Variants in RIMS2 observed in about 807,000 individuals in gnomAD.
The protein encoded by RIMS2 is regulating synaptic membrane exocytosis 2, also known as regulating synaptic membrane exocytosis protein 2.
In RIMS2, 59 loss-of-function variants were observed where a neutral mutation model predicts 174.4. The ratio of observed to expected loss-of-function variants is 0.34; its 90% CI spans 0.27 to 0.42. RIMS2 has a LOEUF of 0.42. Among genes scored for constraint, RIMS2 ranks in the 10% least tolerant of loss-of-function variants. The pLI is 1.00. For synonymous variants in RIMS2, 606 were observed against 572.5 expected, an observed-to-expected ratio of 1.06 and a Z score of -0.84; for missense variants, 1,620 against 1,666.3, an observed-to-expected ratio of 0.97 and a Z score of 0.48.
At chr8:103,984,017 C>G (rs1565675778) in intron 16 of RIMS2, among the ~76,000 whole-genome samples, 1 of 150,366 alleles carries the variant, frequency 6.7e-6, no homozygotes, top group East Asian at 2.0e-4. Context: ...ACTAAAAATA[C>G]AAAAAAAAAT....
At chr8:104,134,054 T>C (rs1460461763) in intron 19 of RIMS2, among the ~76,000 whole-genome samples, 1 of 152,154 alleles carries the variant, frequency 6.6e-6, no homozygotes, top group African/African-American at 2.4e-5. Context: ...TAATCTTTAA[T>C]ATATGATACA....
chr8:103,504,019 C>T (rs1044840991), intron 1 of RIMS2, among the ~76,000 whole-genome samples: 30 of 152,070 alleles, frequency 2.0e-4, no homozygotes, highest in African/African-American at 7.0e-4. Flanking sequence ...TACATATGAG[C>T]GAGGTACTAT....
intron 2 of RIMS2, among the ~76,000 whole-genome samples, chr8:103,702,858 T>G (rs1327731618): frequency 6.6e-6 from 1 of 151,572 alleles, no homozygotes; most frequent in Non-Finnish European, 1.5e-5. Context: ...AGCTGTTTTT[T>G]TTTTTTTTTT....
At chr8:103,764,629 T>G (rs183072600) in intron 2 of RIMS2, among the ~76,000 whole-genome samples, 2 of 152,140 alleles carry the variant, frequency 1.3e-5, no homozygotes, top group Non-Finnish European at 1.5e-5. Context: ...AGTGAGATAA[T>G]GGTGTTTTCA....
chr8:103,679,360 A>G (rs1044950377), intron 1 of RIMS2, among the ~76,000 whole-genome samples: 7 of 152,030 alleles, frequency 4.6e-5, no homozygotes, highest in African/African-American at 1.2e-4. Flanking sequence ...TACCTATCCT[A>G]TAGAGAAACA....
At chr8:103,578,492 C>T (rs1436237945) in intron 1 of RIMS2, among the ~76,000 whole-genome samples, 1 of 151,964 alleles carries the variant, frequency 6.6e-6, no homozygotes, top group Admixed American at 6.6e-5. Context: ...GATAGTAACA[C>T]TGCACTCCAG....
intron 2 of RIMS2, among the ~76,000 whole-genome samples, chr8:103,722,824 ACTC>A (rs1422233541): frequency 6.6e-6 from 1 of 152,094 alleles, no homozygotes; most frequent in Non-Finnish European, 1.5e-5. Context: ...CTGGGAGAGA[ACTC>A]CTTATGGACC....
At chr8:103,738,379 A>G (rs1248341337) in intron 2 of RIMS2, among the ~76,000 whole-genome samples, 1 of 152,250 alleles carries the variant, frequency 6.6e-6, no homozygotes. Context: ...ACGAAAATTA[A>G]TTCAAGATGG....
chr8:103,566,840 C>G (rs779133305), intron 1 of RIMS2, among the ~76,000 whole-genome samples: 37 of 152,180 alleles, frequency 2.4e-4, no homozygotes, highest in Non-Finnish European at 1.5e-5. Context: ...TGAGATAATT[C>G]ACATACTGTA....
chr8:103,725,154 C>T (rs1289248972), intron 2 of RIMS2, among the ~76,000 whole-genome samples: 2 of 152,164 alleles, frequency 1.3e-5, no homozygotes, highest in Admixed American at 6.5e-5. Flanking sequence ...ACATTTGTTA[C>T]ACCAGTGGAG....
rs1402561131 is a variant in RIMS2 at position 103,728,058 on chromosome 8, C to T, written c.387+30762C>T. Among the ~76,000 whole-genome samples the T allele has an allele frequency of 3.3e-5, 5 of 151,974 alleles. No individual in the cohort carries two copies. The East Asian group carries it at 5.8e-4, about 18-fold the overall frequency. On this transcript the variant is annotated intron_variant, in intron 2 of 23. Coordinates refer to ENST00000504942, the Ensembl canonical transcript of RIMS2. The stretch of plus-strand genomic sequence containing the variant: ...GACACTTTAACAATACTGATTTTTC[C>T]GGTCCATGAACATGGAATATCTTTT...
At chr8:104,134,363 G>A (rs896588617) in intron 19 of RIMS2, among the ~76,000 whole-genome samples, 12 of 152,196 alleles carry the variant, frequency 7.9e-5, no homozygotes, top group Non-Finnish European at 1.8e-4. Context: ...TACTCTGGAG[G>A]CTGAGGTAGG....
At chr8:103,846,572 A>G (rs1376014567) in intron 3 of RIMS2, among the ~76,000 whole-genome samples, 1 of 152,132 alleles carries the variant, frequency 6.6e-6, no homozygotes, top group Admixed American at 6.6e-5. Flanking sequence ...ACTATGTGCA[A>G]TTAGCAGCCA....
In RIMS2 at chr8:103,619,714, A is replaced by G. The variant is rs2095591081; in HGVS notation, c.177-77372A>G. 2.0e-5 allele frequency among the ~76,000 whole-genome samples: 3 copies of G among 152,084 alleles called. No homozygotes were observed. The South Asian group carries it at 6.2e-4, about 31-fold the overall frequency. ...ATGAAATAACACAGAACAAAGACCAACCATTTTCTCGCTTCCTTCACCTCT... is the reference window on the plus strand; with the variant it reads ...ATGAAATAACACAGAACAAAGACCAGCCATTTTCTCGCTTCCTTCACCTCT... On this transcript the variant is annotated intron_variant, in intron 1 of 23. Transcript: ENST00000504942.
intron 19 of RIMS2, among the ~76,000 whole-genome samples, chr8:104,069,923 AGCTGTTATAT>A: frequency 6.6e-6 from 1 of 152,318 alleles, no homozygotes. Flanking sequence ...CATAACATGT[AGCTGTTATAT>A]GCTGTTATGA....
chr8:103,863,859 A>C (rs546210331), intron 3 of RIMS2, among the ~76,000 whole-genome samples: 3 of 146,624 alleles, frequency 2.0e-5, no homozygotes, highest in Non-Finnish European at 3.0e-5. Flanking sequence ...GCAGTGTATC[A>C]ATTTTTTTCA....
At chr8:104,112,059 A>G (rs1185594945) in intron 19 of RIMS2, among the ~76,000 whole-genome samples, 1 of 152,222 alleles carries the variant, frequency 6.6e-6, no homozygotes, top group African/African-American at 2.4e-5. Flanking sequence ...ACACATCATT[A>G]AAGTTTCCTA....
Position 104,081,662 on chromosome 8 carries a change from TG to T in RIMS2, c.3334+67048del, listed in dbSNP as rs1370815690. 1.2e-4 allele frequency among the ~76,000 whole-genome samples: 17 copies of T among 141,560 alleles called. 2 individuals are homozygous for T. The highest frequency in any genetic ancestry group is 1.2e-3 in the Admixed American group (17 of 14,522). 92.9% of individuals were successfully genotyped at this position (141,560 alleles called of 152,430 possible). On this transcript the variant is annotated intron_variant, in intron 19 of 23. Transcript: ENST00000504942. ...GTAAAAACAAATTTGACAATAAAAG[TG>T]AAAAAAAAGTTTAATGAAAAGAAAT...
chr8:103,886,666 A>G (rs571720706), intron 4 of RIMS2, among the ~76,000 whole-genome samples: 113 of 151,880 alleles, frequency 7.4e-4, no homozygotes, highest in African/African-American at 2.6e-3. Context: ...TTAACCTTTT[A>G]TTGTATTTTC....
Sources: allele counts gnomAD v4.1 joint callset (sites outside exome capture counted in the v4.1 genomes callset), GRCh38; gene constraint gnomAD v4.1.1; transcripts MANE v1.5; gene names NCBI Gene and HGNC (gene_info 2026-07-23, HGNC 2026-07-21).